The following ARHGAP29 variants were observed in gnomAD, a reference collection of about 807,000 sequenced individuals.
ARHGAP29 encodes the protein rho GTPase-activating protein 29.
In ARHGAP29, 43 loss-of-function variants were observed where a neutral mutation model predicts 122.6. The observed-to-expected ratio is 0.35, with a 90% CI of 0.27 to 0.45. The LOEUF is 0.45. ARHGAP29 is among the 20% of genes least tolerant of loss of function. ARHGAP29 has a pLI of 1.00. For synonymous variants in ARHGAP29, 506 were observed against 497.1 expected (o/e 1.02, Z -0.24); for missense variants, 1,303 against 1,477.2 (o/e 0.88, Z 1.93).
intron 15 of ARHGAP29, 53 bp from the exon 16 acceptor site, chr1:94,186,650 A>C: frequency 2.3e-6 from 3 of 1,283,478 alleles, no homozygotes; most frequent in Non-Finnish European, 3.4e-6. Flanking sequence ...AGAATCTTTG[A>C]AATAGGAAAT....
chr1:94,184,320 T>C, intron 18 of ARHGAP29, 32 bp from the exon 19 acceptor site: 2 of 1,552,722 alleles, frequency 1.3e-6, no homozygotes, highest in Non-Finnish European at 1.8e-6. Flanking sequence ...TTTTGCAAAA[T>C]TCTTCTTTAG....
At chr1:94,287,809 T>A in the ARHGAP29 span, among the ~76,000 whole-genome samples, 1 of 151,872 alleles carries the variant, frequency 6.6e-6, no homozygotes, top group African/African-American at 2.4e-5. Context: ...GCTTCATCCA[T>A]GTCCCTGCAA....
intron 20 of ARHGAP29, among the ~76,000 whole-genome samples, chr1:94,179,255 T>C (rs1203682589): frequency 6.6e-6 from 1 of 152,184 alleles, no homozygotes; most frequent in East Asian, 1.9e-4. Flanking sequence ...GAAATGTTCA[T>C]TTTAAAAGTA....
In ARHGAP29 at chr1:94,174,568, A is replaced by G. The variant is rs764670738; in HGVS notation, c.3087T>C (p.Ser1029=). Residue 1029 remains serine, a synonymous_variant, in exon 23 of 23, where the codon AGT becomes AGC. Transcript: ENST00000260526. ...TTCTGCCATTTCTCTCATTAGGAGG[A>G]CTTGCAAGAAGTAGTCTATCTACAG... is the stretch of plus-strand genomic sequence containing the variant. ...SLPVDRLLLA[S]PPNERNGRNM... The G allele has an allele frequency of 1.9e-6, 3 of 1,614,138 alleles. No individual in the cohort carries two copies. The South Asian group carries it at 3.3e-5, about 18-fold the overall frequency.
chr1:94,192,579 A>G (rs1469793010), intron 12 of ARHGAP29: 2 of 152,336 alleles, frequency 1.3e-5, no homozygotes, highest in East Asian at 3.8e-4. Context: ...CAATGATGGC[A>G]GTAGCAGCTG....
chr1:94,241,693 A>G (rs1347373103), upstream of ARHGAP29, among the ~76,000 whole-genome samples: 1 of 89,348 alleles, frequency 1.1e-5, no homozygotes, highest in Non-Finnish European at 2.2e-5. Context: ...TAATTTATAT[A>G]TGTAATTATA....
At chr1:94,271,791 G>A (rs1273789059) in intron 1 of ARHGAP29, among the ~76,000 whole-genome samples, 1 of 152,282 alleles carries the variant, frequency 6.6e-6, no homozygotes, top group East Asian at 1.9e-4. Context: ...TTCAGGATTC[G>A]AAGTTCTGTT....
intron 19 of ARHGAP29, among the ~76,000 whole-genome samples, chr1:94,180,524 A>G (rs1031136483): frequency 6.6e-6 from 1 of 152,170 alleles, no homozygotes; most frequent in African/African-American, 2.4e-5. Flanking sequence ...ATGAATTTCA[A>G]TGTTTCCGCT....
chr1:94,194,918 G>A (rs758370808), intron 12 of ARHGAP29: 39 of 152,108 alleles, frequency 2.6e-4, no homozygotes, highest in Non-Finnish European at 5.1e-4. Context: ...TTGGTCAAGC[G>A]ATGTAGTTTT....
chr1:94,177,959 A>G lies in ARHGAP29; in HGVS notation c.2689T>C (p.Cys897Arg), dbSNP rs1649211189. ...CCTTGATCAACAACACCTATGCTAC[A>G]CATAACATCTTGTGGTTGTAGGGAC... Reference protein sequence around the residue: ...DGSLQPQDVMCSIGVVDQGCF... With the variant: ...DGSLQPQDVMRSIGVVDQGCF... The change falls in exon 21 of 23, where the codon TGT (cysteine) becomes CGT (arginine). Residue 897 changes from cysteine (C) to arginine (R), a missense_variant. Coordinates refer to ENST00000260526, the MANE Select transcript of ARHGAP29 (RefSeq NM_004815.4). 6.2e-7 allele frequency: 1 copy of G among 1,614,166 alleles called. No individual in the cohort carries two copies. The highest frequency in any genetic ancestry group is 8.5e-7 in the Non-Finnish European group (1 of 1,180,014).
At chr1:94,309,975 T>C in the ARHGAP29 span, among the ~76,000 whole-genome samples, 1 of 152,160 alleles carries the variant, frequency 6.6e-6, no homozygotes. Flanking sequence ...GCTGAATAAA[T>C]AAATATGAGT....
the ARHGAP29 span, chr1:94,302,150 A>G: frequency 3.6e-6 from 1 of 276,102 alleles, no homozygotes; most frequent in Non-Finnish European, 7.1e-6. Context: ...GACCTCAACT[A>G]CATGGTCTAC....
At chr1:94,270,585 G>T (rs1044913115) in intron 1 of ARHGAP29, among the ~76,000 whole-genome samples, 38 of 152,184 alleles carry the variant, frequency 2.5e-4, no homozygotes, top group Non-Finnish European at 5.6e-4. Flanking sequence ...TTCATGAGCA[G>T]GTGACCCAGG....
At position 94,189,964 on chromosome 1, in the gene ARHGAP29, G is replaced by C. The variant is rs1289422526; in HGVS notation, c.1401C>G (p.Val467=). Residue 467 remains valine, a synonymous_variant, in exon 13 of 23, where the codon GTC becomes GTG. Coordinates refer to ENST00000260526, the MANE Select transcript of ARHGAP29 (RefSeq NM_004815.4). ...CTTCTTCAGTTGAATTTGTGGCCTT[G>C]ACAAATTCACTGTACTCTTGGCCTG... ...YDPGQEYSEF[V]KATNSTEEEK... The C allele has an allele frequency of 2.5e-6, 4 of 1,613,304 alleles. No individual in the cohort carries two copies. The South Asian group carries it at 4.4e-5, about 18-fold the overall frequency.
upstream of ARHGAP29, among the ~76,000 whole-genome samples, chr1:94,238,471 T>C (rs993241937): frequency 5.3e-5 from 8 of 151,852 alleles, no homozygotes; most frequent in Admixed American, 6.6e-5. Context: ...AGAAAGCACA[T>C]AGTCCCTATA....
intron 22 of ARHGAP29, among the ~76,000 whole-genome samples, chr1:94,175,319 C>T (rs1400625245): frequency 6.6e-6 from 1 of 152,158 alleles, no homozygotes; most frequent in Non-Finnish European, 1.5e-5. Context: ...TGCCATTTTC[C>T]CCACCTGCTC....
chr1:94,274,090 G>A (rs1756248), intron 1 of ARHGAP29, among the ~76,000 whole-genome samples: 53,678 of 151,930 alleles, frequency 0.35, 9,670 homozygotes, highest in South Asian at 0.41. Flanking sequence ...ATTTAGAGAC[G>A]CTAAGCAATG....
At chr1:94,279,201 C>T (rs945166968), upstream of ARHGAP29, among the ~76,000 whole-genome samples, 7 of 152,160 alleles carry the variant, frequency 4.6e-5, no homozygotes, top group African/African-American at 1.4e-4. Flanking sequence ...TGTGAAGATC[C>T]TCCAGATGGT....
intron 1 of ARHGAP29, among the ~76,000 whole-genome samples, chr1:94,261,389 T>A (rs187421849): frequency 6.6e-6 from 1 of 152,330 alleles, no homozygotes; most frequent in Admixed American, 6.5e-5. Context: ...CATTTGGCTT[T>A]ACTGTGTTAT....
Sources: gnomAD v4.1 joint callset for allele counts (sites outside exome capture counted in the v4.1 genomes callset) on GRCh38, gnomAD v4.1.1 for gene constraint, MANE v1.5 for transcripts, NCBI Gene and HGNC (gene_info 2026-07-23, HGNC 2026-07-21) for gene names.